DHRSX: variants seen among roughly 807,000 people sequenced by gnomAD.
The protein encoded by DHRSX is dehydrogenase/reductase X-linked.
A neutral mutation model predicts 34.0 loss-of-function variants in DHRSX; 31 were observed. That is an observed-to-expected ratio of 0.91 (90% confidence interval 0.69 to 1.23). The LOEUF (loss-of-function observed/expected upper bound fraction) is 1.23. Among genes scored for constraint, DHRSX ranks in the 50% most tolerant of loss-of-function variants. The pLI is 0.00. For synonymous variants in DHRSX, 201 were observed against 183.8 expected, an observed-to-expected ratio of 1.09 and a Z score of -0.76; for missense variants, 414 against 428.1, an observed-to-expected ratio of 0.97 and a Z score of 0.29.
chrX:2,416,164 C>T (rs912158123), intron 2 of DHRSX, among the ~76,000 whole-genome samples: 1 of 151,918 alleles, frequency 6.6e-6, no homozygotes, highest in Non-Finnish European at 1.5e-5. Context: ...TTGATCTCAT[C>T]CTGACCAACA....
intron 1 of DHRSX, among the ~76,000 whole-genome samples, chrX:2,434,808 G>A (rs182573824): frequency 1.3e-5 from 2 of 152,248 alleles, no homozygotes; most frequent in Non-Finnish European, 2.9e-5. Flanking sequence ...GCCTTGTTTA[G>A]AATCAAAAAC....
intron 3 of DHRSX, among the ~76,000 whole-genome samples, chrX:2,333,252 A>G (rs1197842635): frequency 2.6e-5 from 4 of 152,228 alleles, no homozygotes; most frequent in African/African-American, 9.6e-5. Context: ...CATAACACAT[A>G]GCTTAAAACA....
intron 5 of DHRSX, among the ~76,000 whole-genome samples, chrX:2,259,346 A>G (rs1483684299): frequency 7.1e-6 from 1 of 141,004 alleles, no homozygotes; most frequent in Non-Finnish European, 1.5e-5. Flanking sequence ...ATATAGATAT[A>G]GATATATAGA....
intron 1 of DHRSX, among the ~76,000 whole-genome samples, chrX:2,452,675 A>T (rs914517497): frequency 2.4e-4 from 36 of 151,956 alleles, no homozygotes; most frequent in South Asian, 4.2e-4. Flanking sequence ...ACATTCCCTA[A>T]TAATGTGGCT....
intron 3 of DHRSX, among the ~76,000 whole-genome samples, chrX:2,319,514 G>C (rs1377354540): frequency 7.4e-6 from 1 of 134,954 alleles, no homozygotes; most frequent in Non-Finnish European, 1.5e-5. Context: ...CTGCACTCCA[G>C]CCTCGGTGAC....
At chrX:2,313,056 G>A (rs1037591696) in intron 3 of DHRSX, among the ~76,000 whole-genome samples, 1 of 151,196 alleles carries the variant, frequency 6.6e-6, no homozygotes, top group African/African-American at 2.4e-5. Flanking sequence ...AGGCTGGAGT[G>A]CAGTGGCATG....
At chrX:2,249,218 A>G (rs954411302) in intron 5 of DHRSX, among the ~76,000 whole-genome samples, 4 of 140,954 alleles carry the variant, frequency 2.8e-5, no homozygotes, top group Non-Finnish European at 6.1e-5. Flanking sequence ...TTTGAGACAG[A>G]GTCTTGTTCT....
intron 1 of DHRSX, among the ~76,000 whole-genome samples, chrX:2,464,850 C>T (rs1200348202): frequency 6.6e-6 from 1 of 151,934 alleles, no homozygotes; most frequent in South Asian, 2.1e-4. Flanking sequence ...CCACCATGTA[C>T]ACACTGAAGA....
chrX:2,241,280 A>T (rs2124424239), intron 6 of DHRSX, among the ~76,000 whole-genome samples: 1 of 152,304 alleles, frequency 6.6e-6, no homozygotes, highest in East Asian at 1.9e-4. Flanking sequence ...TCATTGCAGA[A>T]ATGTGGGAGC....
chrX:2,242,715 G>A (rs1391123089), intron 6 of DHRSX, among the ~76,000 whole-genome samples: 2 of 152,106 alleles, frequency 1.3e-5, no homozygotes, highest in Non-Finnish European at 2.9e-5. Flanking sequence ...CCACGGCAAT[G>A]TCAGGAAGTT....
chrX:2,255,151 G>A (rs2041259629), intron 5 of DHRSX, among the ~76,000 whole-genome samples: 2 of 151,864 alleles, frequency 1.3e-5, no homozygotes, highest in South Asian at 4.1e-4. Context: ...TTTTAGTAGA[G>A]ACGGGTTTTT....
intron 2 of DHRSX, among the ~76,000 whole-genome samples, chrX:2,420,333 G>T (rs769338009): frequency 4.6e-5 from 7 of 152,016 alleles, no homozygotes; most frequent in African/African-American, 1.7e-4. Flanking sequence ...GCTTCAACCC[G>T]GGAGGCAGAG....
In DHRSX at chrX:2,298,686, T is replaced by C. The variant is rs138071986; in HGVS notation, c.287-7083A>G. On this transcript the variant is annotated intron_variant, in intron 3 of 6. Coordinates refer to ENST00000334651, the MANE Select transcript of DHRSX (RefSeq NM_145177.3). ...CACAGGGTCCTGAGAACCCTTACTT[T>C]TAAAGTTGGGAAAAACGGGCCGGGC... 2.6e-3 allele frequency among the ~76,000 whole-genome samples: 354 copies of C among 138,252 alleles called. 9 individuals carry two copies. The highest frequency in any genetic ancestry group is 0.012 in the African/African-American group (338 of 28,520). 90.7% of individuals were successfully genotyped at this position (138,252 alleles called of 152,430 possible). A position where few individuals can be genotyped will look rare whatever the true frequency, so the allele number is the denominator to read the frequency against.
At chrX:2,460,611 T>A (rs1343189811) in intron 1 of DHRSX, among the ~76,000 whole-genome samples, 1 of 130,672 alleles carries the variant, frequency 7.7e-6, no homozygotes, top group Admixed American at 8.0e-5. Context: ...AGACAGCATC[T>A]CTCTCCTTGT....
chrX:2,437,825 G>A (rs1201827445), intron 1 of DHRSX, among the ~76,000 whole-genome samples: 1 of 151,758 alleles, frequency 6.6e-6, no homozygotes. Flanking sequence ...TTCCTGATAT[G>A]CAGTGTAACT....
chrX:2,478,315 C>T (rs1313447415), intron 1 of DHRSX, among the ~76,000 whole-genome samples: 1 of 152,164 alleles, frequency 6.6e-6, no homozygotes, highest in Non-Finnish European at 1.5e-5. Flanking sequence ...GAGTCACAGA[C>T]ACCCAGTGAA....
chrX:2,458,624 G>C lies in DHRSX; in HGVS notation c.110-33320C>G, dbSNP rs139260039. Among the ~76,000 whole-genome samples, 1,015 of 152,158 alleles carry C rather than the reference G, an allele frequency of 6.7e-3. 8 individuals carry two copies. The highest frequency in any genetic ancestry group is 0.014 in the Middle Eastern group (4 of 294). ...CATCTCATAGGTAGAATCTAAAAAAGCTGAACGCATAAACGCAGAGAGTGC... is the reference window on the plus strand; with the variant it reads ...CATCTCATAGGTAGAATCTAAAAAACCTGAACGCATAAACGCAGAGAGTGC... On this transcript the variant is annotated intron_variant, in intron 1 of 6. Transcript: ENST00000334651.
At chrX:2,434,604 G>A (rs1371746764) in intron 1 of DHRSX, among the ~76,000 whole-genome samples, 2 of 152,214 alleles carry the variant, frequency 1.3e-5, no homozygotes, top group East Asian at 1.9e-4. Flanking sequence ...CCAGGAGGTC[G>A]AGGCTGCGGC....
intron 1 of DHRSX, chrX:2,490,792 A>C: frequency 6.4e-7 from 1 of 1,552,976 alleles, no homozygotes; most frequent in South Asian, 1.2e-5. Flanking sequence ...GCCAAGACAA[A>C]CACAGCATGA....
Sources: allele counts gnomAD v4.1 joint callset (sites outside exome capture counted in the v4.1 genomes callset), GRCh38; gene constraint gnomAD v4.1.1; transcripts MANE v1.5; gene names NCBI Gene and HGNC (gene_info 2026-07-23, HGNC 2026-07-21).